DNAI4: variants seen among roughly 807,000 people sequenced by gnomAD.
DNAI4 encodes WD repeat domain 78.
In DNAI4, 85 loss-of-function variants were observed where a neutral mutation model predicts 105.8. That is an observed-to-expected ratio of 0.80 (90% CI 0.67 to 0.96). The LOEUF (loss-of-function observed/expected upper bound fraction) is 0.96. Among genes scored for constraint, DNAI4 ranks in the 40% least tolerant of loss-of-function variants. DNAI4 has a pLI of 0.00. For synonymous variants in DNAI4, 352 were observed against 331.5 expected (o/e 1.06, Z -0.67); for missense variants, 1,014 against 1,005.6 (o/e 1.01, Z -0.11).
At chr1:66,915,942 C>T (rs929809795) in intron 1 of DNAI4, among the ~76,000 whole-genome samples, 3 of 151,920 alleles carry the variant, frequency 2.0e-5, no homozygotes, top group Admixed American at 1.3e-4. Context: ...GCCAACATGG[C>T]GAAGCCCCAT....
intron 8 of DNAI4, among the ~76,000 whole-genome samples, chr1:66,845,190 CAAAAAAAAA>C (rs59265844): frequency 3.8e-5 from 4 of 106,316 alleles, no homozygotes; most frequent in Non-Finnish European, 7.2e-5. Context: ...AACTCCATCT[CAAAAAAAAA>C]AAAAAAAAAA....
chr1:66,864,534 T>C (rs899797896), intron 6 of DNAI4, among the ~76,000 whole-genome samples: 1 of 152,222 alleles, frequency 6.6e-6, no homozygotes, highest in African/African-American at 2.4e-5. Flanking sequence ...TTACAGCATC[T>C]GCTATAAAAG....
intron 15 of DNAI4, among the ~76,000 whole-genome samples, chr1:66,823,141 G>T (rs1447155915): frequency 7.8e-6 from 1 of 128,072 alleles, no homozygotes; most frequent in Non-Finnish European, 1.7e-5. Context: ...TCCCACCTAC[G>T]AGTGACAATA....
Position 66,847,593 on chromosome 1 carries a change from T to C in DNAI4, c.1182A>G (p.Ile394Met), listed in dbSNP as rs571588408. 43 of 1,613,966 alleles carry C rather than the reference T, an allele frequency of 2.7e-5. No homozygotes were observed. In the African/African-American group the frequency reaches 5.3e-4, roughly 20 times the overall value. ...CCTGATGAAATTTGTCAGATTTTAA[T>C]ATTGCATCTGAGTGGTCTTCCTCAT... is the stretch of plus-strand genomic sequence containing the variant. ...HEDEEDHSDA[I>M]LKSDKFHQDL... Residue 394 changes from isoleucine to methionine, a missense_variant, in exon 8 of 17, where the codon ATA becomes ATG. Ile to Met is a conservative substitution (Grantham distance 10, BLOSUM62 1). Transcript: ENST00000371026.
At chr1:66,841,598 C>T (rs1646149643) in intron 8 of DNAI4, among the ~76,000 whole-genome samples, 1 of 152,088 alleles carries the variant, frequency 6.6e-6, no homozygotes, top group Non-Finnish European at 1.5e-5. Context: ...TCTTGAACTC[C>T]TGGCCTAAGC....
At chr1:66,905,469 T>A in intron 1 of DNAI4, 94 bp from the exon 2 acceptor site, 1 of 763,476 alleles carries the variant, frequency 1.3e-6, no homozygotes, top group Non-Finnish European at 1.9e-6. Flanking sequence ...TAAAAACATG[T>A]GAACAATCTA....
intron 7 of DNAI4, 161 bp from the exon 8 acceptor site, chr1:66,847,839 A>C: frequency 3.4e-6 from 2 of 589,592 alleles, no homozygotes; most frequent in Non-Finnish European, 5.8e-6. Context: ...CAAGCACATG[A>C]AAGATGCACA....
intron 8 of DNAI4, among the ~76,000 whole-genome samples, chr1:66,844,975 C>T (rs1267138966): frequency 2.0e-5 from 3 of 151,946 alleles, no homozygotes; most frequent in African/African-American, 4.8e-5. Context: ...GGGCGGATCA[C>T]CTGAGGTCAA....
rs1281543836 is a variant in DNAI4, at chr1:66,922,570, C to A, written c.170+2092G>T. On this transcript the variant is annotated intron_variant, in intron 1 of 16. Coordinates refer to ENST00000371026, the MANE Select transcript of DNAI4 (RefSeq NM_024763.5). ...TGAGCAGAACCACATTGATTACTAC[C>A]TGGAGGGTGTTGGCAAGGAGACTAT... Among the ~76,000 whole-genome samples, 3 of 152,134 alleles carry A rather than the reference C, an allele frequency of 2.0e-5. No individual in the cohort carries two copies. In the East Asian group the frequency reaches 5.8e-4, roughly 29 times the overall value.
chr1:66,918,942 A>G (rs1650267665), intron 1 of DNAI4: 1 of 255,578 alleles, frequency 3.9e-6, no homozygotes, highest in Non-Finnish European at 8.3e-6. Context: ...ACTGATATAG[A>G]TGCATATTCT....
In DNAI4 at chr1:66,833,638, C is replaced by T; in HGVS notation, c.1960G>A (p.Glu654Lys). ...GGAGCCTGTCGAGATATCAAAGCTT[C>T]ATCTTTCTTTTCCTTTTCCCCTCCT... ...KKGGEKEKKD[E>K]ALISRQAPGM... Residue 654 changes from glutamate to lysine, a missense_variant, in exon 13 of 17, where the codon GAA becomes AAA. Physicochemically the swap from Glu to Lys is moderately conservative, Grantham distance 56. Transcript: ENST00000371026. The T allele has an allele frequency of 6.2e-7, 1 of 1,613,378 alleles. No individual in the cohort carries two copies.
At chr1:66,858,898 G>A (rs940342626) in intron 7 of DNAI4, among the ~76,000 whole-genome samples, 2 of 152,022 alleles carry the variant, frequency 1.3e-5, no homozygotes, top group East Asian at 3.9e-4. Context: ...TCAGTAATAA[G>A]GTTAGGATAT....
intron 2 of DNAI4, among the ~76,000 whole-genome samples, chr1:66,900,867 G>A (rs986143456): frequency 1.3e-5 from 2 of 152,018 alleles, no homozygotes; most frequent in African/African-American, 4.8e-5. Context: ...CTTACTTTCC[G>A]AACTGGATGC....
intron 13 of DNAI4, among the ~76,000 whole-genome samples, chr1:66,832,671 T>A (rs1001040966): frequency 6.6e-6 from 1 of 152,118 alleles, no homozygotes; most frequent in Non-Finnish European, 1.5e-5. Context: ...AAGAGTATAA[T>A]TGGATTGTTT....
At position 66,817,251 on chromosome 1, in the gene DNAI4, C is replaced by A. The variant is rs138904683; in HGVS notation, c.2497-3071G>T. Among the ~76,000 whole-genome samples, 1,198 of 152,220 alleles carry A rather than the reference C, an allele frequency of 7.9e-3. 14 individuals are homozygous for A. Among genetic ancestry groups the A allele is most frequent in the Non-Finnish European group, 0.01 (697 of 68,016 alleles). On this transcript the variant is annotated intron_variant, in intron 16 of 16. Coordinates refer to ENST00000371026, the MANE Select transcript of DNAI4 (RefSeq NM_024763.5). ...CATTAGCATGTTTTTCACACCATTA[C>A]CCATGAGTTGAACAAAGCCCTAAAG...
intron 7 of DNAI4, among the ~76,000 whole-genome samples, chr1:66,859,196 A>T (rs1646571595): frequency 6.6e-6 from 1 of 152,204 alleles, no homozygotes; most frequent in African/African-American, 2.4e-5. Flanking sequence ...TCACCAAAAA[A>T]GATATAAAGA....
intron 6 of DNAI4, among the ~76,000 whole-genome samples, chr1:66,864,972 C>T (rs1646702067): frequency 6.6e-6 from 1 of 152,196 alleles, no homozygotes; most frequent in African/African-American, 2.4e-5. Flanking sequence ...TGTTCTATTT[C>T]TTATCCTGGC....
At chr1:66,914,902 T>C (rs1167656674) in intron 1 of DNAI4, among the ~76,000 whole-genome samples, 1 of 152,194 alleles carries the variant, frequency 6.6e-6, no homozygotes, top group Non-Finnish European at 1.5e-5. Context: ...TCAAATGCTT[T>C]TTCGAGTTTA....
Position 66,892,973 on chromosome 1 carries a change from GAAAGAAA to G in DNAI4, c.530+249_530+255del, listed in dbSNP as rs1647828074. Among the ~76,000 whole-genome samples, 10 of 128,498 alleles carry G rather than the reference GAAAGAAA, an allele frequency of 7.8e-5. 2 individuals carry two copies. The highest frequency in any genetic ancestry group is 1.5e-4 in the Admixed American group (2 of 12,984). 84.3% of individuals were successfully genotyped at this position (128,498 alleles called of 152,430 possible). ...GAGAAGAAAGAAAGAAAGAAAGAAAGAAAGAAAGAAAGAAAGAAAGAAAGAGAGAAAG... is the reference window on the plus strand; with the variant it reads ...GAGAAGAAAGAAAGAAAGAAAGAAAGGAAAGAAAGAAAGAAAGAGAGAAAG... On this transcript the variant is annotated intron_variant, in intron 3 of 16. Transcript: ENST00000371026.
Sources: allele counts gnomAD v4.1 joint callset (sites outside exome capture counted in the v4.1 genomes callset), GRCh38; gene constraint gnomAD v4.1.1; transcripts MANE v1.5; gene names NCBI Gene and HGNC (gene_info 2026-07-23, HGNC 2026-07-21).